Variants in RBFOX1 observed in about 807,000 individuals in gnomAD.
RBFOX1 encodes the protein RNA binding protein fox-1 homolog 1.
A neutral mutation model predicts 57.7 loss-of-function variants in RBFOX1; 8 were observed. The ratio of observed to expected loss-of-function variants is 0.14; its 90% CI spans 0.08 to 0.25. The LOEUF is 0.25. Among genes scored for constraint, RBFOX1 ranks in the 10% least tolerant of loss-of-function variants. The probability of loss-of-function intolerance (pLI) is 1.00; values close to 1 mark genes in which losing one functional copy is unlikely to be tolerated. For missense variants in RBFOX1, 611 were observed against 548.5 expected (o/e 1.11, Z -1.14); for synonymous variants, 326 against 222.4 (o/e 1.47, Z -4.15).
chr16:7,492,878 C>A (rs1281100593), intron 4 of RBFOX1, among the ~76,000 whole-genome samples: 1 of 152,050 alleles, frequency 6.6e-6, no homozygotes, highest in Non-Finnish European at 1.5e-5. Context: ...GATGCTGGCA[C>A]CAACCATGAG....
At chr16:6,692,719 G>C (rs983584908) in intron 3 of RBFOX1, among the ~76,000 whole-genome samples, 5 of 151,826 alleles carry the variant, frequency 3.3e-5, no homozygotes, top group African/African-American at 1.2e-4. Flanking sequence ...TATACTCCAA[G>C]TCAGAGTAAT....
chr16:6,677,766 C>G (rs549966816), intron 3 of RBFOX1, among the ~76,000 whole-genome samples: 2 of 152,260 alleles, frequency 1.3e-5, no homozygotes, highest in African/African-American at 4.8e-5. Flanking sequence ...TCTGACATCA[C>G]TATACAAGTT....
intron 1 of RBFOX1, among the ~76,000 whole-genome samples, chr16:6,076,853 A>G (rs1196644515): frequency 2.6e-5 from 4 of 152,184 alleles, no homozygotes; most frequent in Non-Finnish European, 4.4e-5. Context: ...GGGAGCAGAA[A>G]CAGTTGGCAC....
intron 1 of RBFOX1, among the ~76,000 whole-genome samples, chr16:6,277,950 G>A (rs1048021349): frequency 5.9e-5 from 9 of 152,048 alleles, no homozygotes; most frequent in East Asian, 1.9e-4. Context: ...TACTTGGCCC[G>A]GAGTTTAATT....
intron 3 of RBFOX1, among the ~76,000 whole-genome samples, chr16:6,859,190 TA>T (rs2058563277): frequency 8.1e-6 from 1 of 123,458 alleles, no homozygotes; most frequent in Non-Finnish European, 1.7e-5. Context: ...TATATGTATA[TA>T]TATATGTATA....
At chr16:7,285,840 A>G (rs1277119163) in intron 4 of RBFOX1, among the ~76,000 whole-genome samples, 1 of 152,208 alleles carries the variant, frequency 6.6e-6, no homozygotes, top group Non-Finnish European at 1.5e-5. Context: ...ACTGTTACAA[A>G]TCTTCAAGTG....
intron 9 of RBFOX1, among the ~76,000 whole-genome samples, chr16:7,598,641 A>G (rs1008237029): frequency 2.0e-5 from 3 of 152,194 alleles, no homozygotes; most frequent in African/African-American, 4.8e-5. Context: ...TTGCGTATTC[A>G]TGCCTATATA....
intron 1 of RBFOX1, among the ~76,000 whole-genome samples, chr16:5,305,705 A>G (rs192694699): frequency 6.6e-6 from 1 of 152,176 alleles, no homozygotes; most frequent in African/African-American, 2.4e-5. Flanking sequence ...GCAGATGGAC[A>G]CTTCTGGGTG....
At chr16:6,483,387 G>C in intron 2 of RBFOX1, 2 of 1,529,474 alleles carry the variant, frequency 1.3e-6, no homozygotes, top group Non-Finnish European at 1.7e-6. Flanking sequence ...GCGCACGACA[G>C]ATGACTGGAG....
At chr16:5,953,782 T>C (rs2059568977) in intron 4 of RBFOX1, among the ~76,000 whole-genome samples, 1 of 151,950 alleles carries the variant, frequency 6.6e-6, no homozygotes, top group South Asian at 2.1e-4. Flanking sequence ...GGTTTCACAT[T>C]TTTGCAATTG....
intron 2 of RBFOX1, among the ~76,000 whole-genome samples, chr16:6,653,951 T>G (rs2098624015): frequency 7.7e-6 from 1 of 130,428 alleles, no homozygotes; most frequent in African/African-American, 3.0e-5. Context: ...AGAGGGTGGA[T>G]GAAGGATGGA....
chr16:5,931,753 C>T (rs1458086863), intron 4 of RBFOX1, among the ~76,000 whole-genome samples: 3 of 152,142 alleles, frequency 2.0e-5, no homozygotes, highest in Non-Finnish European at 4.4e-5. Context: ...CCCTACCCGT[C>T]TCATGCATAT....
At chr16:6,665,868 G>T (rs1363183138) in intron 3 of RBFOX1, among the ~76,000 whole-genome samples, 2 of 152,066 alleles carry the variant, frequency 1.3e-5, no homozygotes, top group Non-Finnish European at 2.9e-5. Flanking sequence ...GAGGGAAAGA[G>T]GTGATATGGT....
intron 4 of RBFOX1, among the ~76,000 whole-genome samples, chr16:5,971,179 C>T (rs1265220945): frequency 6.6e-6 from 1 of 152,230 alleles, no homozygotes; most frequent in Admixed American, 6.5e-5. Context: ...GGGGATAGAG[C>T]AGTGAACCAG....
intron 2 of RBFOX1, among the ~76,000 whole-genome samples, chr16:6,596,650 A>T (rs540131498): frequency 6.9e-6 from 1 of 144,412 alleles, no homozygotes; most frequent in African/African-American, 2.9e-5. Context: ...AGGCTTGTTC[A>T]TATGTTGTAT....
At chr16:7,157,916 C>G (rs920673295) in intron 4 of RBFOX1, among the ~76,000 whole-genome samples, 2 of 152,148 alleles carry the variant, frequency 1.3e-5, no homozygotes, top group African/African-American at 4.8e-5. Flanking sequence ...TTCCGAGGAG[C>G]TGTGTTTGCT....
chr16:7,373,561 G>A (rs1487529331), intron 4 of RBFOX1, among the ~76,000 whole-genome samples: 1 of 152,092 alleles, frequency 6.6e-6, no homozygotes, highest in African/African-American at 2.4e-5. Context: ...AGAGTGCCCG[G>A]GCAAGCCTTT....
At chr16:6,724,428 G>C (rs1274411011) in intron 3 of RBFOX1, among the ~76,000 whole-genome samples, 3 of 151,850 alleles carry the variant, frequency 2.0e-5, no homozygotes, top group South Asian at 4.1e-4. Flanking sequence ...GGCTGGTCTC[G>C]AACTCCTGAC....
At chr16:7,384,237 A>G (rs1053902077) in intron 4 of RBFOX1, among the ~76,000 whole-genome samples, 6 of 152,062 alleles carry the variant, frequency 3.9e-5, no homozygotes, top group Non-Finnish European at 2.9e-5. Context: ...ATGAATATGA[A>G]AAGCAAGGAG....
Sources: allele counts gnomAD v4.1 joint callset (sites outside exome capture counted in the v4.1 genomes callset), GRCh38; gene constraint gnomAD v4.1.1; transcripts MANE v1.5; gene names NCBI Gene and HGNC (gene_info 2026-07-23, HGNC 2026-07-21).